Variants in SLAIN2 observed in about 807,000 individuals in gnomAD.
The protein encoded by SLAIN2 is SLAIN motif-containing protein 2.
In SLAIN2, 31 loss-of-function variants were observed where a neutral mutation model predicts 56.6. The observed-to-expected ratio is 0.55, with a 90% CI of 0.41 to 0.74. The LOEUF is 0.74. SLAIN2 is among the 30% of genes least tolerant of loss of function. The pLI, the probability that SLAIN2 is intolerant of heterozygous loss-of-function variation, is 0.00. For synonymous variants in SLAIN2, 317 were observed against 284.9 expected (o/e 1.11, Z -1.13); for missense variants, 777 against 754.2 (o/e 1.03, Z -0.35).
chr4:48,358,202 T>A (rs886103215), intron 1 of SLAIN2, among the ~76,000 whole-genome samples: 1 of 152,220 alleles, frequency 6.6e-6, no homozygotes, highest in African/African-American at 2.4e-5. Context: ...ACATATCTTA[T>A]AATTTTGTAA....
chr4:48,390,590 T>A (rs1465341531), intron 6 of SLAIN2, among the ~76,000 whole-genome samples: 2 of 152,176 alleles, frequency 1.3e-5, no homozygotes, highest in Non-Finnish European at 2.9e-5. Flanking sequence ...TATTCTTCTA[T>A]TGAAATTGTA....
Position 48,420,141 on chromosome 4 carries a change from A to G in SLAIN2, c.1377A>G (p.Lys459=), listed in dbSNP as rs376551411. The change falls in exon 7 of 8, where the codon AAA becomes AAG. Residue 459 remains lysine (K), a synonymous_variant. Transcript: ENST00000264313. ...ATCCCACAGTACCTTCTCCAGGCAAATTCCGTTCCCCTGCAGCACCATCTC... is the reference window on the plus strand; with the variant it reads ...ATCCCACAGTACCTTCTCCAGGCAAGTTCCGTTCCCCTGCAGCACCATCTC... ...PQASAIPSPG[K]FRSPAAPSPL... is the part of the protein sequence containing the mutation. The G allele has an allele frequency of 1.5e-4, 249 of 1,613,820 alleles. No individual in the cohort carries two copies. Among genetic ancestry groups the G allele is most frequent in the Non-Finnish European group, 2.0e-4 (241 of 1,179,768 alleles).
chr4:48,374,454 G>A (rs1342962728), intron 2 of SLAIN2, among the ~76,000 whole-genome samples: 1 of 152,040 alleles, frequency 6.6e-6, no homozygotes, highest in Non-Finnish European at 1.5e-5. Context: ...TGGCCAGGCT[G>A]GTTTTGAACT....
intron 6 of SLAIN2, among the ~76,000 whole-genome samples, chr4:48,384,640 A>G (rs1419320291): frequency 6.6e-6 from 1 of 152,196 alleles, no homozygotes; most frequent in Non-Finnish European, 1.5e-5. Context: ...CATGTAGATT[A>G]TAATTTTTAA....
rs758494472 is a variant in SLAIN2 at position 48,420,200 on chromosome 4, G to A, written c.1436G>A (p.Ser479Asn). Reference protein sequence around the residue: ...LALRQPVKAFSNHGSGSPGSQ... With the variant: ...LALRQPVKAFNNHGSGSPGSQ... ...CTTCGGCAACCAGTGAAAGCATTTAGTAACCATGGCTCTGGTTCTCCTGGT... is the reference window on the plus strand; with the variant it reads ...CTTCGGCAACCAGTGAAAGCATTTAATAACCATGGCTCTGGTTCTCCTGGT... The change falls in exon 7 of 8, where the codon AGT becomes AAT. Residue 479 changes from serine to asparagine, a missense_variant. Transcript: ENST00000264313. The A allele has an allele frequency of 6.2e-6, 10 of 1,613,954 alleles. No homozygotes were observed. The highest frequency in any genetic ancestry group is 8.5e-6 in the Non-Finnish European group (10 of 1,179,878).
chr4:48,378,528 AGAAT>A (rs1715887268), intron 3 of SLAIN2, among the ~76,000 whole-genome samples: 1 of 152,218 alleles, frequency 6.6e-6, no homozygotes, highest in Non-Finnish European at 1.5e-5. Context: ...AACCAGGGAA[AGAAT>A]GTTCTGCTCT....
chr4:48,367,778 A>G (rs1715556953), intron 1 of SLAIN2, among the ~76,000 whole-genome samples: 1 of 152,150 alleles, frequency 6.6e-6, no homozygotes, highest in Non-Finnish European at 1.5e-5. Flanking sequence ...TATACCATAA[A>G]ATTTATTCAT....
intron 2 of SLAIN2, among the ~76,000 whole-genome samples, chr4:48,373,815 C>T (rs1173433497): frequency 2.6e-5 from 4 of 151,920 alleles, no homozygotes; most frequent in Admixed American, 6.6e-5. Flanking sequence ...CCAAGGTGGG[C>T]GGATCACCTG....
intron 1 of SLAIN2, among the ~76,000 whole-genome samples, chr4:48,364,491 T>C (rs1482748083): frequency 1.7e-5 from 1 of 59,848 alleles, no homozygotes; most frequent in African/African-American, 5.7e-5. Context: ...GGGCAGAGGC[T>C]GCAATCTCGG....
chr4:48,410,595 G>A (rs779080000), intron 6 of SLAIN2, among the ~76,000 whole-genome samples: 3 of 152,134 alleles, frequency 2.0e-5, no homozygotes, highest in Non-Finnish European at 4.4e-5. Context: ...GGTACTTGGA[G>A]CTTTCTGCAG....
intron 6 of SLAIN2, among the ~76,000 whole-genome samples, chr4:48,405,757 C>T (rs1333605534): frequency 1.3e-5 from 2 of 151,904 alleles, no homozygotes; most frequent in Non-Finnish European, 2.9e-5. Flanking sequence ...TTTTAATTCC[C>T]GTGTTCCTTT....
intron 6 of SLAIN2, chr4:48,394,710 A>T (rs1716333594): frequency 2.8e-6 from 4 of 1,442,882 alleles, no homozygotes; most frequent in Non-Finnish European, 3.7e-6. Flanking sequence ...GTTAAATCTT[A>T]AGCCATTTGG....
At chr4:48,342,949 C>G (rs1714766587) in intron 1 of SLAIN2, among the ~76,000 whole-genome samples, 1 of 151,896 alleles carries the variant, frequency 6.6e-6, no homozygotes, top group African/African-American at 2.4e-5. Context: ...AAATTGTGGC[C>G]CCCCCACCTT....
rs941350578 is a variant in SLAIN2 at position 48,406,570 on chromosome 4, A to G, written c.1361-13555A>G. ...TAAGTTAAGCTATATCCACATTGTC[A>G]GATACCTGTTACATACTATTTTCTC... On this transcript the variant is annotated intron_variant, in intron 6 of 7. Coordinates refer to ENST00000264313, the MANE Select transcript of SLAIN2 (RefSeq NM_020846.2). Among the ~76,000 whole-genome samples, 4 of 143,596 alleles carry G rather than the reference A, an allele frequency of 2.8e-5. No individual in the cohort carries two copies. The Admixed American group carries it at 2.9e-4, about 10-fold the overall frequency. 94.2% of individuals were successfully genotyped at this position (143,596 alleles called of 152,430 possible).
intron 1 of SLAIN2, among the ~76,000 whole-genome samples, chr4:48,349,079 T>C (rs397257): frequency 0.23 from 35,156 of 152,202 alleles, 4,889 homozygotes; most frequent in Middle Eastern, 0.34. Context: ...TCAGGCACAA[T>C]GCAGATTTTC....
Position 48,382,638 on chromosome 4 carries a change from G to C in SLAIN2, c.933G>C (p.Arg311=), listed in dbSNP as rs1462226229. The C allele has an allele frequency of 3.1e-6, 5 of 1,613,442 alleles. No homozygotes were observed. The highest frequency in any genetic ancestry group is 4.2e-6 in the Non-Finnish European group (5 of 1,179,562). Residue 311 remains arginine (R), a synonymous_variant, in exon 5 of 8, where the codon CGG becomes CGC. Coordinates refer to ENST00000264313, the MANE Select transcript of SLAIN2 (RefSeq NM_020846.2). ...GTTCATCTTGCAATTCTACAAGACG[G>C]GGTACTTTTAGTGATCAGGAACTTG... The part of the protein sequence containing the change: ...SSGSSCNSTR[R]GTFSDQELDA...
intron 6 of SLAIN2, among the ~76,000 whole-genome samples, chr4:48,395,775 AAGG>A (rs1363483046): frequency 2.2e-5 from 3 of 136,390 alleles, no homozygotes; most frequent in African/African-American, 8.3e-5. Flanking sequence ...TTATTATAGA[AAGG>A]GGTTTTTGTG....
intron 6 of SLAIN2, among the ~76,000 whole-genome samples, chr4:48,390,289 G>C (rs1398049353): frequency 6.6e-6 from 1 of 151,840 alleles, no homozygotes; most frequent in Non-Finnish European, 1.5e-5. Flanking sequence ...ATGTTGGCTA[G>C]GCTGGTCTTG....
rs192433106 is a variant in SLAIN2 at position 48,423,580 on chromosome 4, T to C, written c.*1503T>C. On this transcript the variant is annotated 3_prime_UTR_variant, in exon 8 of 8. Coordinates refer to ENST00000264313, the MANE Select transcript of SLAIN2 (RefSeq NM_020846.2). ...AATTGGGAGAGAGAAATAGAAGGCTTGATATTCTGGACAGCATTAAGGTTG... is the reference window on the plus strand; with the variant it reads ...AATTGGGAGAGAGAAATAGAAGGCTCGATATTCTGGACAGCATTAAGGTTG... 21 of 152,262 alleles carry C rather than the reference T, an allele frequency of 1.4e-4. No homozygotes were observed. Among genetic ancestry groups the C allele is most frequent in the African/African-American group, 5.1e-4 (21 of 41,568 alleles). 9.4% of individuals were successfully genotyped at this position (152,262 alleles called of 1,614,324 possible). A position where few individuals can be genotyped will look rare whatever the true frequency, so the allele number is the denominator to read the frequency against.
Sources: allele counts gnomAD v4.1 joint callset (sites outside exome capture counted in the v4.1 genomes callset), GRCh38; gene constraint gnomAD v4.1.1; transcripts MANE v1.5; gene names NCBI Gene and HGNC (gene_info 2026-07-23, HGNC 2026-07-21).